Variants in SHROOM3 observed in about 807,000 individuals in gnomAD.
SHROOM3 encodes protein Shroom3.
In SHROOM3, 47 loss-of-function variants were observed where a neutral mutation model predicts 138.6. That is an observed-to-expected ratio of 0.34 (90% confidence interval 0.27 to 0.43). The LOEUF (loss-of-function observed/expected upper bound fraction) is 0.43, where lower values mean the gene tolerates loss of function less well. Ranked by LOEUF, SHROOM3 falls within the 20% of genes least tolerant of loss-of-function variation. SHROOM3 has a pLI of 1.00. For synonymous variants in SHROOM3, 1,062 were observed against 1,063.3 expected, an observed-to-expected ratio of 1.00 and a Z score of 0.02; for missense variants, 2,491 against 2,596.5, an observed-to-expected ratio of 0.96 and a Z score of 0.88.
At position 76,782,238 on chromosome 4, in the gene SHROOM3, C is replaced by G. The variant is rs996926598; in HGVS notation, c.*3061C>G. 3 of 152,216 alleles carry G rather than the reference C, an allele frequency of 2.0e-5. No homozygotes were observed. Among genetic ancestry groups the G allele is most frequent in the African/African-American group, 7.2e-5 (3 of 41,448 alleles). 9.4% of individuals were successfully genotyped at this position (152,216 alleles called of 1,614,324 possible). On this transcript the variant is annotated 3_prime_UTR_variant, in exon 11 of 11. Coordinates refer to ENST00000296043, the MANE Select transcript of SHROOM3 (RefSeq NM_020859.4). ...GAGACCAGATGCTGTCGAAACCAAA[C>G]ATCTTTTCCTTTGCTCTATGGGAAC... is the stretch of plus-strand genomic sequence containing the variant.
intron 2 of SHROOM3, among the ~76,000 whole-genome samples, chr4:76,677,792 C>T (rs927786964): frequency 1.3e-5 from 2 of 152,142 alleles, no homozygotes; most frequent in Admixed American, 1.3e-4. Flanking sequence ...TAGGCAAGAG[C>T]GCTAAAGTAT....
At chr4:76,474,652 C>G (rs950673345) in intron 1 of SHROOM3, among the ~76,000 whole-genome samples, 1 of 152,142 alleles carries the variant, frequency 6.6e-6, no homozygotes, top group Non-Finnish European at 1.5e-5. Context: ...TGGTGGCTCA[C>G]ACCTGTAATC....
chr4:76,608,243 A>C (rs1734664026), intron 2 of SHROOM3, among the ~76,000 whole-genome samples: 1 of 152,216 alleles, frequency 6.6e-6, no homozygotes, highest in Non-Finnish European at 1.5e-5. Flanking sequence ...TTAGCTCTCG[A>C]GGGAGCGCAT....
intron 1 of SHROOM3, among the ~76,000 whole-genome samples, chr4:76,445,107 A>T (rs1659854287): frequency 6.6e-6 from 1 of 152,064 alleles, no homozygotes; most frequent in South Asian, 2.1e-4. Context: ...AAAAAAAAAA[A>T]AAAAGGAACA....
chr4:76,481,409 C>A (rs1039250638), intron 1 of SHROOM3, among the ~76,000 whole-genome samples: 18 of 152,188 alleles, frequency 1.2e-4, no homozygotes, highest in African/African-American at 4.3e-4. Flanking sequence ...GACACATACA[C>A]CCTCCCAAGA....
At chr4:76,638,682 A>C (rs1735572633) in intron 2 of SHROOM3, among the ~76,000 whole-genome samples, 1 of 152,236 alleles carries the variant, frequency 6.6e-6, no homozygotes, top group Non-Finnish European at 1.5e-5. Flanking sequence ...CAGGAAGACC[A>C]TTCCTTTTTA....
At chr4:76,444,731 T>C (rs1326556194) in intron 1 of SHROOM3, among the ~76,000 whole-genome samples, 3 of 151,786 alleles carry the variant, frequency 2.0e-5, no homozygotes, top group African/African-American at 7.2e-5. Flanking sequence ...CCTGACTTCG[T>C]GATCCGCCTG....
chr4:76,612,149 A>G (rs1734777431), intron 2 of SHROOM3, among the ~76,000 whole-genome samples: 1 of 152,140 alleles, frequency 6.6e-6, no homozygotes, highest in Admixed American at 6.5e-5. Context: ...ATATTTTTCC[A>G]TCCACATATG....
chr4:76,575,978 T>C (rs1733929154), intron 2 of SHROOM3, among the ~76,000 whole-genome samples: 1 of 152,184 alleles, frequency 6.6e-6, no homozygotes, highest in South Asian at 2.1e-4. Flanking sequence ...AAATGGCTTA[T>C]ATCCAAAAGA....
At chr4:76,554,874 C>A (rs1049562666) in intron 1 of SHROOM3, among the ~76,000 whole-genome samples, 1 of 152,032 alleles carries the variant, frequency 6.6e-6, no homozygotes, top group Non-Finnish European at 1.5e-5. Context: ...CATAACCACC[C>A]GAGCTCTGCC....
intron 2 of SHROOM3, among the ~76,000 whole-genome samples, chr4:76,569,468 G>T (rs1019352966): frequency 6.6e-6 from 1 of 152,160 alleles, no homozygotes; most frequent in African/African-American, 2.4e-5. Flanking sequence ...ACAGAATGAG[G>T]AAGAGAAGTC....
rs931147451 is a variant in SHROOM3, at chr4:76,616,018, C to T, written c.323+60255C>T. ...ACCAGTATGGGAAAGCAGGATTAGA[C>T]TCCAGAGGGCAGAATTAGGACCAGT... On this transcript the variant is annotated intron_variant, in intron 2 of 10. Transcript: ENST00000296043. Among the ~76,000 whole-genome samples the T allele has an allele frequency of 4.6e-5, 7 of 152,244 alleles. No homozygotes were observed. In the East Asian group the frequency reaches 9.6e-4, roughly 21 times the overall value.
At chr4:76,447,092 T>C (rs187191667) in intron 1 of SHROOM3, among the ~76,000 whole-genome samples, 68 of 152,276 alleles carry the variant, frequency 4.5e-4, no homozygotes, top group Admixed American at 1.8e-3. Context: ...CTTGGTTCAA[T>C]TGGCCTCATC....
intron 2 of SHROOM3, among the ~76,000 whole-genome samples, chr4:76,690,769 T>A (rs1205391750): frequency 2.0e-5 from 3 of 152,208 alleles, no homozygotes; most frequent in African/African-American, 7.2e-5. Flanking sequence ...AAATAAACTC[T>A]TATAACAACA....
At chr4:76,500,567 T>C (rs547409252) in intron 1 of SHROOM3, among the ~76,000 whole-genome samples, 4 of 152,274 alleles carry the variant, frequency 2.6e-5, no homozygotes, top group East Asian at 1.9e-4. Flanking sequence ...TTTTTTTTCC[T>C]ACTAGCAGTG....
Position 76,658,680 on chromosome 4 carries a change from GTGTT to G in SHROOM3, c.324-51472_324-51469del, listed in dbSNP as rs1325218941. Reference sequence around the variant, plus strand: ...CCCTCCCATGTGTGTATGTGTGTGTGTGTTTGTGTGTGTGTGCACATGCCCGCAT... The same window carrying G: ...CCCTCCCATGTGTGTATGTGTGTGTGTGTGTGTGTGTGCACATGCCCGCAT... On this transcript the variant is annotated intron_variant, in intron 2 of 10. Coordinates refer to ENST00000296043, the MANE Select transcript of SHROOM3 (RefSeq NM_020859.4). Among the ~76,000 whole-genome samples, 6 of 151,724 alleles carry G rather than the reference GTGTT, an allele frequency of 4.0e-5. No individual in the cohort carries two copies. The East Asian group carries it at 9.7e-4, about 25-fold the overall frequency.
intron 1 of SHROOM3, among the ~76,000 whole-genome samples, chr4:76,502,837 A>G (rs570585527): frequency 1.3e-5 from 2 of 152,128 alleles, no homozygotes; most frequent in Non-Finnish European, 2.9e-5. Flanking sequence ...TAGAGTCCTG[A>G]TACGTTTTTT....
rs1560505371 is a variant in SHROOM3 at position 76,436,235 on chromosome 4, C to T, written c.168+15C>T. 1 of 1,613,566 alleles carries T rather than the reference C, an allele frequency of 6.2e-7. No individual in the cohort carries two copies. The highest frequency in any genetic ancestry group is 8.5e-7 in the Non-Finnish European group (1 of 1,179,670). On this transcript the variant is annotated intron_variant, in intron 1 of 10. Transcript: ENST00000296043. ...TCATCTCTAAGGTATGTTTCTTTTT[C>T]CAATATTGCCTTTATTCAAATTGTT...
rs1734998344 is a variant in SHROOM3 at position 76,621,213 on chromosome 4, C to T, written c.323+65450C>T. Among the ~76,000 whole-genome samples, 3 of 151,950 alleles carry T rather than the reference C, an allele frequency of 2.0e-5. No individual in the cohort carries two copies. In the South Asian group the frequency reaches 6.3e-4, roughly 32 times the overall value. On this transcript the variant is annotated intron_variant, in intron 2 of 10. Transcript: ENST00000296043. ...AGTCTCAGCACTGCAGAGAGCCTCA[C>T]ACTGGGCTAACACCTGTCCCAGGAA...
Sources: gnomAD v4.1 joint callset for allele counts (sites outside exome capture counted in the v4.1 genomes callset) on GRCh38, gnomAD v4.1.1 for gene constraint, MANE v1.5 for transcripts, NCBI Gene and HGNC (gene_info 2026-07-23, HGNC 2026-07-21) for gene names.